The following LRMDA variants were observed in gnomAD, a reference collection of about 807,000 sequenced individuals.
The protein encoded by LRMDA is leucine rich melanocyte differentiation associated, also known as leucine-rich melanocyte differentiation-associated protein.
Under a neutral mutation model 29.8 loss-of-function variants are expected in LRMDA, and 18 were observed. The ratio of observed to expected loss-of-function variants is 0.60; its 90% confidence interval spans 0.42 to 0.90. The LOEUF is 0.90. Among genes scored for constraint, LRMDA ranks in the 40% least tolerant of loss-of-function variants. LRMDA has a pLI of 0.00. For synonymous variants in LRMDA, 125 were observed against 109.4 expected (o/e 1.14, Z -0.89); for missense variants, 273 against 273.9 (o/e 1.00, Z 0.02).
At chr10:75,760,340 C>G (rs1589190789) in intron 2 of LRMDA, among the ~76,000 whole-genome samples, 1 of 152,294 alleles carries the variant, frequency 6.6e-6, no homozygotes, top group African/African-American at 2.4e-5. Flanking sequence ...TTTACCCTTC[C>G]TAAGTCAGGT....
At chr10:76,006,310 A>G (rs182504535) in intron 2 of LRMDA, among the ~76,000 whole-genome samples, 15 of 149,430 alleles carry the variant, frequency 1.0e-4, no homozygotes, top group Admixed American at 9.8e-4. Flanking sequence ...CTGAGTTCAG[A>G]AGGAGAGTCA....
At chr10:75,495,241 T>TCTCCCTCTCTCC (rs1845030368) in intron 2 of LRMDA, among the ~76,000 whole-genome samples, 1 of 152,076 alleles carries the variant, frequency 6.6e-6, no homozygotes, top group Non-Finnish European at 1.5e-5. Flanking sequence ...TCTGTCTCCT[T>TCTCCCTCTCTCC]CTCCCTCTCT....
intron 6 of LRMDA, among the ~76,000 whole-genome samples, chr10:76,517,061 C>A: frequency 6.6e-6 from 1 of 151,900 alleles, no homozygotes; most frequent in African/African-American, 2.4e-5. Context: ...GAATGCAACA[C>A]TGAAATAACC....
intron 5 of LRMDA, among the ~76,000 whole-genome samples, chr10:76,279,424 G>A (rs998818866): frequency 4.6e-5 from 7 of 151,834 alleles, no homozygotes; most frequent in Admixed American, 4.6e-4. Context: ...CACAAGGCAA[G>A]TACAGGACAA....
intron 2 of LRMDA, among the ~76,000 whole-genome samples, chr10:75,695,765 A>AT (rs1387048572): frequency 2.6e-5 from 4 of 151,878 alleles, no homozygotes; most frequent in South Asian, 2.1e-4. Context: ...CTGTGGCCTG[A>AT]TTTTTTTTCC....
intron 2 of LRMDA, among the ~76,000 whole-genome samples, chr10:75,682,206 G>T (rs1228670368): frequency 6.6e-6 from 1 of 152,196 alleles, no homozygotes; most frequent in Non-Finnish European, 1.5e-5. Context: ...TACTCTAACT[G>T]TGAACGCTTT....
At chr10:75,823,410 C>T (rs959952481) in intron 2 of LRMDA, among the ~76,000 whole-genome samples, 12 of 152,056 alleles carry the variant, frequency 7.9e-5, no homozygotes, top group Admixed American at 2.6e-4. Context: ...CAATGAGATA[C>T]CATCTTCCAA....
chr10:76,090,908 C>A (rs974418004), intron 5 of LRMDA, among the ~76,000 whole-genome samples: 1 of 152,150 alleles, frequency 6.6e-6, no homozygotes, highest in African/African-American at 2.4e-5. Flanking sequence ...AGGAAGAGTT[C>A]TGGAGACTGT....
At chr10:76,053,737 T>G (rs553469194) in intron 4 of LRMDA, among the ~76,000 whole-genome samples, 1 of 152,276 alleles carries the variant, frequency 6.6e-6, no homozygotes, top group South Asian at 2.1e-4. Flanking sequence ...ACTGCAGGCA[T>G]TGGGGCAGGG....
chr10:76,274,876 T>A (rs1840112123), intron 5 of LRMDA, among the ~76,000 whole-genome samples: 2 of 152,292 alleles, frequency 1.3e-5, no homozygotes, highest in African/African-American at 4.8e-5. Flanking sequence ...CAATTTTTGT[T>A]AGTTACATTG....
intron 5 of LRMDA, among the ~76,000 whole-genome samples, chr10:76,099,368 A>G (rs544547126): frequency 6.6e-6 from 1 of 152,308 alleles, no homozygotes; most frequent in East Asian, 1.9e-4. Flanking sequence ...ATAATTTTGC[A>G]ATGGCAGTTT....
chr10:75,774,725 G>T (rs530209999), intron 2 of LRMDA, among the ~76,000 whole-genome samples: 1 of 152,116 alleles, frequency 6.6e-6, no homozygotes, highest in Admixed American at 6.5e-5. Flanking sequence ...TTTATATCTG[G>T]TTTCATTCTG....
chr10:76,302,584 G>C (rs542005566), intron 5 of LRMDA, among the ~76,000 whole-genome samples: 4 of 152,212 alleles, frequency 2.6e-5, no homozygotes, highest in East Asian at 1.9e-4. Context: ...TGCTGGAGTG[G>C]ATACTCTTGT....
chr10:76,263,303 C>T lies in LRMDA; in HGVS notation c.517-61098C>T, dbSNP rs141747896. Among the ~76,000 whole-genome samples the T allele has an allele frequency of 3.3e-5, 5 of 152,058 alleles. No individual in the cohort carries two copies. In the East Asian group the frequency reaches 9.7e-4, roughly 29 times the overall value. ...TTTTAAAAAAAGATCATCTGTTTAT[C>T]TCATTCTCTCTCTTTCTTATGCTTT... is the stretch of plus-strand genomic sequence containing the variant. On this transcript the variant is annotated intron_variant, in intron 5 of 6. Transcript: ENST00000611255.
intron 5 of LRMDA, among the ~76,000 whole-genome samples, chr10:76,317,602 C>T (rs1160557099): frequency 1.3e-5 from 2 of 152,164 alleles, no homozygotes; most frequent in African/African-American, 2.4e-5. Context: ...GAGATGGAGT[C>T]TCTCTCTGTC....
chr10:75,617,510 T>G (rs746902540), intron 2 of LRMDA, among the ~76,000 whole-genome samples: 1 of 152,248 alleles, frequency 6.6e-6, no homozygotes, highest in African/African-American at 2.4e-5. Context: ...TTTATTATGC[T>G]GCTCTCCTTC....
intron 5 of LRMDA, among the ~76,000 whole-genome samples, chr10:76,194,808 A>T (rs1851305231): frequency 6.6e-6 from 1 of 152,252 alleles, no homozygotes; most frequent in Non-Finnish European, 1.5e-5. Flanking sequence ...TCAAAAGGCC[A>T]CAAAATACTC....
At chr10:75,984,351 T>C (rs1847226344) in intron 2 of LRMDA, among the ~76,000 whole-genome samples, 1 of 152,170 alleles carries the variant, frequency 6.6e-6, no homozygotes, top group South Asian at 2.1e-4. Flanking sequence ...AGAGCTTCCC[T>C]GCTGGGGCCT....
chr10:75,790,558 A>G (rs1316879321), intron 2 of LRMDA, among the ~76,000 whole-genome samples: 2 of 152,288 alleles, frequency 1.3e-5, no homozygotes, highest in South Asian at 4.2e-4. Flanking sequence ...TCCTAACTGT[A>G]TGACATAAAC....
Sources: allele counts gnomAD v4.1 joint callset (sites outside exome capture counted in the v4.1 genomes callset), GRCh38; gene constraint gnomAD v4.1.1; transcripts MANE v1.5; gene names NCBI Gene and HGNC (gene_info 2026-07-23, HGNC 2026-07-21).